Variants in KCNIP1 observed in about 807,000 individuals in gnomAD.
KCNIP1 encodes potassium voltage-gated channel interacting protein 1.
Under a neutral mutation model 33.0 loss-of-function variants are expected in KCNIP1, and 18 were observed. That is an observed-to-expected ratio of 0.55 (90% CI 0.38 to 0.81). KCNIP1 has a LOEUF of 0.81. Ranked by LOEUF, KCNIP1 falls within the 30% of genes least tolerant of loss-of-function variation. The pLI is 0.00. For synonymous variants in KCNIP1, 93 were observed against 98.3 expected, an observed-to-expected ratio of 0.95 and a Z score of 0.32; for missense variants, 238 against 271.6, an observed-to-expected ratio of 0.88 and a Z score of 0.87.
chr5:170,504,834 C>T lies in KCNIP1; in HGVS notation c.61+201C>T, dbSNP rs143839111. Among the ~76,000 whole-genome samples, 7 of 152,246 alleles carry T rather than the reference C, an allele frequency of 4.6e-5. No homozygotes were observed. Among genetic ancestry groups the T allele is most frequent in the African/African-American group, 1.7e-4 (7 of 41,560 alleles). ...GGAGGGAGCCGGAGTGGACGTCTGC[C>T]CCAGCGGCAACTGGACCCCTCTGGG... is the stretch of plus-strand genomic sequence containing the variant. On this transcript the variant is annotated intron_variant, in intron 1 of 7. Transcript: ENST00000328939. This position sits in a 1 kb window ranked among gnomAD's most constrained non-coding sequence, Gnocchi z 6.0.
At chr5:170,690,694 CCT>C (rs1762691664) in intron 1 of KCNIP1, among the ~76,000 whole-genome samples, 1 of 152,228 alleles carries the variant, frequency 6.6e-6, no homozygotes, top group African/African-American at 2.4e-5. Flanking sequence ...CAACCCCAGC[CCT>C]CAGGCACATC....
At chr5:170,588,832 G>A (rs1261915513) in intron 1 of KCNIP1, among the ~76,000 whole-genome samples, 3 of 152,080 alleles carry the variant, frequency 2.0e-5, no homozygotes, top group Non-Finnish European at 4.4e-5. Flanking sequence ...TCCAGGCCTA[G>A]GACTTAGACT....
intron 1 of KCNIP1, among the ~76,000 whole-genome samples, chr5:170,432,064 T>C: frequency 6.6e-6 from 1 of 152,078 alleles, no homozygotes; most frequent in East Asian, 1.9e-4. Context: ...TTGAGCCATC[T>C]TCTTACAGCT....
chr5:170,626,405 G>A (rs1759825564), intron 1 of KCNIP1, among the ~76,000 whole-genome samples: 1 of 152,198 alleles, frequency 6.6e-6, no homozygotes, highest in Non-Finnish European at 1.5e-5. Context: ...TCTAATGGGG[G>A]TGGGGAAGGC....
At chr5:170,390,517 A>AAAAAAAAAAAAAAAATAT in intron 1 of KCNIP1, among the ~76,000 whole-genome samples, 3 of 74,542 alleles carry the variant, frequency 4.0e-5, no homozygotes, top group Admixed American at 1.5e-4. Context: ...AAAAAAAACA[A>AAAAAAAAAAAAAAAATAT]ATATATATAT....
chr5:170,456,725 C>CTTTCTTTCTTTCTTTCTTTCTTTT (rs750736509), intron 1 of KCNIP1, among the ~76,000 whole-genome samples: 1 of 144,434 alleles, frequency 6.9e-6, no homozygotes, highest in Non-Finnish European at 1.5e-5. Flanking sequence ...TTCTTTCTTT[C>CTTTCTTTCTTTCTTTCTTTCTTTT]TTGTTTCTTT....
intron 1 of KCNIP1, among the ~76,000 whole-genome samples, chr5:170,545,135 G>A (rs1363797681): frequency 6.6e-6 from 1 of 152,058 alleles, no homozygotes; most frequent in African/African-American, 2.4e-5. Context: ...CATTTTTGCA[G>A]GATTTTTTGC....
chr5:170,400,741 CATG>C (rs1754882632), intron 1 of KCNIP1, among the ~76,000 whole-genome samples: 1 of 152,198 alleles, frequency 6.6e-6, no homozygotes, highest in East Asian at 1.9e-4. Context: ...TGTCCAAGGT[CATG>C]ATGTTAGTAC....
chr5:170,444,699 T>TAAA (rs111942720), intron 1 of KCNIP1, among the ~76,000 whole-genome samples: 3 of 146,334 alleles, frequency 2.1e-5, no homozygotes, highest in Middle Eastern at 3.5e-3. Context: ...TTTCTTTTTT[T>TAAA]AAAAAAAAAA....
intron 1 of KCNIP1, among the ~76,000 whole-genome samples, chr5:170,477,323 CAT>C (rs1000816477): frequency 6.7e-5 from 10 of 149,580 alleles, no homozygotes; most frequent in East Asian, 2.0e-4. Flanking sequence ...ATATATATTA[CAT>C]ATATATATAT....
intron 5 of KCNIP1, among the ~76,000 whole-genome samples, chr5:170,732,345 A>G (rs1008814891): frequency 6.6e-6 from 1 of 152,200 alleles, no homozygotes; most frequent in African/African-American, 2.4e-5. Context: ...TAAGGGCCTC[A>G]GTCTGTGGAA....
intron 1 of KCNIP1, among the ~76,000 whole-genome samples, chr5:170,517,077 C>T (rs1293099296): frequency 6.6e-6 from 1 of 152,048 alleles, no homozygotes; most frequent in African/African-American, 2.4e-5. Context: ...CTACCTGAGA[C>T]TGGGTAATTT....
intron 1 of KCNIP1, among the ~76,000 whole-genome samples, chr5:170,514,230 T>G (rs1351012017): frequency 6.6e-6 from 1 of 152,198 alleles, no homozygotes; most frequent in Non-Finnish European, 1.5e-5. Context: ...GTGAGGGATG[T>G]TCTGGTGGAG....
chr5:170,598,994 G>C (rs1010910302), intron 1 of KCNIP1, among the ~76,000 whole-genome samples: 1 of 151,692 alleles, frequency 6.6e-6, no homozygotes, highest in African/African-American at 2.4e-5. Context: ...GAGAGCCAAA[G>C]ACTGAGGCCC....
chr5:170,692,026 C>T (rs1441993112), intron 1 of KCNIP1, among the ~76,000 whole-genome samples: 1 of 152,190 alleles, frequency 6.6e-6, no homozygotes, highest in Non-Finnish European at 1.5e-5. Flanking sequence ...CCCAGGGAGA[C>T]ATTCACAGAT....
intron 1 of KCNIP1, among the ~76,000 whole-genome samples, chr5:170,676,231 T>G (rs1762140035): frequency 4.0e-5 from 5 of 126,432 alleles, no homozygotes; most frequent in African/African-American, 5.6e-5. Flanking sequence ...GGATTACAGG[T>G]GGGAGGGAGG....
chr5:170,626,481 G>A (rs1330951858), intron 1 of KCNIP1, among the ~76,000 whole-genome samples: 8 of 152,212 alleles, frequency 5.3e-5, no homozygotes, highest in African/African-American at 1.2e-4. Flanking sequence ...CCTGGACACC[G>A]ACTAGGAAGG....
Position 170,584,321 on chromosome 5 carries a change from G to A in KCNIP1, c.61+79688G>A, listed in dbSNP as rs1043312825. Among the ~76,000 whole-genome samples, 12 of 152,188 alleles carry A rather than the reference G, an allele frequency of 7.9e-5. No homozygotes were observed. The East Asian group carries it at 9.6e-4, about 12-fold the overall frequency. ...TGAATGCAGAAACTGCTTCCTTAAT[G>A]TAGGCTTAGAGAAGGGGATTGGAGT... On this transcript the variant is annotated intron_variant, in intron 1 of 7. Transcript: ENST00000328939.
chr5:170,397,430 G>C (rs1484539336), intron 1 of KCNIP1, among the ~76,000 whole-genome samples: 1 of 152,142 alleles, frequency 6.6e-6, no homozygotes, highest in Non-Finnish European at 1.5e-5. Context: ...ATCTCCCTGT[G>C]TATGTGGCTT....
Sources: allele counts gnomAD v4.1 joint callset (sites outside exome capture counted in the v4.1 genomes callset), GRCh38; gene constraint gnomAD v4.1.1; non-coding constraint Gnocchi (gnomAD v3.1); transcripts MANE v1.5; gene names NCBI Gene and HGNC (gene_info 2026-07-23, HGNC 2026-07-21).